Variants in RBM27 observed in about 807,000 individuals in gnomAD.
RBM27 encodes RNA-binding protein 27.
RBM27 carries 22 observed loss-of-function variants against 135.3 expected under a neutral mutation model. That is an observed-to-expected ratio of 0.16 (90% CI 0.12 to 0.23). The LOEUF is 0.23. Among genes scored for constraint, RBM27 ranks in the 10% least tolerant of loss-of-function variants. RBM27 has a pLI of 1.00. For synonymous variants in RBM27, 481 were observed against 442.4 expected, an observed-to-expected ratio of 1.09 and a Z score of -1.10; for missense variants, 1,009 against 1,281.0, an observed-to-expected ratio of 0.79 and a Z score of 3.24.
chr5:146,283,318 T>G (rs933167062), intron 19 of RBM27, among the ~76,000 whole-genome samples: 1 of 152,070 alleles, frequency 6.6e-6, no homozygotes, highest in Admixed American at 6.6e-5. Flanking sequence ...GGTGGGAGAA[T>G]TCCTCGAGCC....
At chr5:146,260,967 ACC>A (rs879858850) in intron 12 of RBM27, 69 bp downstream of exon 12, 1 of 1,450,168 alleles carries the variant, frequency 6.9e-7, no homozygotes, top group Non-Finnish European at 9.4e-7. Context: ...CTATCAGCTC[ACC>A]TTGTTTAAAT....
chr5:146,281,390 AAC>A (rs775977392), intron 19 of RBM27, among the ~76,000 whole-genome samples: 1 of 152,190 alleles, frequency 6.6e-6, no homozygotes, highest in Non-Finnish European at 1.5e-5. Context: ...TTTCAACAGA[AAC>A]ACATAAAACC....
Position 146,287,953 on chromosome 5 carries a change from A to G in RBM27, c.*1923A>G, listed in dbSNP as rs140126073. 4.6e-5 allele frequency: 7 copies of G among 152,242 alleles called. No individual in the cohort carries two copies. In the East Asian group the frequency reaches 1.2e-3, roughly 25 times the overall value. 9.4% of individuals were successfully genotyped at this position (152,242 alleles called of 1,614,324 possible). ...TATTTTGAAAGATTCATTGTGGTGAATATTTTGAGTCCTGACAGTTTAAAC... is the reference window on the plus strand; with the variant it reads ...TATTTTGAAAGATTCATTGTGGTGAGTATTTTGAGTCCTGACAGTTTAAAC... On this transcript the variant is annotated 3_prime_UTR_variant, in exon 21 of 21. Transcript: ENST00000265271.
rs527874521 is a variant in RBM27, at chr5:146,269,596, C to T, written c.2691+12C>T. ...AGACAAAAACGGAGGTATCTATTTG[C>T]ATTTTTTATTTAACATAGGGTTATT... On this transcript the variant is annotated intron_variant, in intron 17 of 20. Transcript: ENST00000265271. 2.0e-6 allele frequency: 3 copies of T among 1,510,460 alleles called. No homozygotes were observed. Among genetic ancestry groups the T allele is most frequent in the South Asian group, 2.8e-5 (2 of 72,502 alleles). 93.6% of individuals were successfully genotyped at this position (1,510,460 alleles called of 1,614,324 possible).
In RBM27 at chr5:146,278,687, T is replaced by C. The variant is rs145221917; in HGVS notation, c.2989-5935T>C. Among the ~76,000 whole-genome samples, 690 of 152,250 alleles carry C rather than the reference T, an allele frequency of 4.5e-3. 7 individuals are homozygous for C. Among genetic ancestry groups the C allele is most frequent in the African/African-American group, 0.016 (660 of 41,550 alleles). On this transcript the variant is annotated intron_variant, in intron 19 of 20. Transcript: ENST00000265271. ...TTGCACAGATATATAATACTACAGTTGAACCATCCTGTATTGATGGACATC... is the reference window on the plus strand; with the variant it reads ...TTGCACAGATATATAATACTACAGTCGAACCATCCTGTATTGATGGACATC...
Position 146,286,527 on chromosome 5 carries a change from T to G in RBM27, c.*497T>G, listed in dbSNP as rs1759587593. On this transcript the variant is annotated 3_prime_UTR_variant, in exon 21 of 21. Transcript: ENST00000265271. ...GAAGAAAAATATGTTTATTTTAATT[T>G]TAATTTTTTTTTTTTTTTACTTTGG... is the stretch of plus-strand genomic sequence containing the variant. 1 of 150,654 alleles carries G rather than the reference T, an allele frequency of 6.6e-6. No homozygotes were observed. Among genetic ancestry groups the G allele is most frequent in the Non-Finnish European group, 1.5e-5 (1 of 68,010 alleles). 9.3% of individuals were successfully genotyped at this position (150,654 alleles called of 1,614,324 possible).
At position 146,269,247 on chromosome 5, in the gene RBM27, A is replaced by G. The variant is rs1182471805; in HGVS notation, c.2492A>G (p.Gln831Arg). 2 of 1,609,768 alleles carry G rather than the reference A, an allele frequency of 1.2e-6. No individual in the cohort carries two copies. The highest frequency in any genetic ancestry group is 1.7e-5 in the Admixed American group (1 of 59,748). ...KLQQDMRKKR[Q>R]EVLEKQIECQ... ...CAACAAGATATGAGGAAAAAAAGACAGGAAGTGTTAGAAAAGCAAATAGAA... is the reference window on the plus strand; with the variant it reads ...CAACAAGATATGAGGAAAAAAAGACGGGAAGTGTTAGAAAAGCAAATAGAA... Residue 831 changes from glutamine to arginine, a missense_variant, in exon 16 of 21, where the codon CAG (glutamine) becomes CGG (arginine). This residue lies in a region of RBM27 where 355 missense variants were observed against 427.3 expected (regional missense o/e 0.83). Coordinates refer to ENST00000265271, the MANE Select transcript of RBM27 (RefSeq NM_018989.2).
intron 17 of RBM27, among the ~76,000 whole-genome samples, chr5:146,270,628 A>G (rs879470122): frequency 7.2e-5 from 11 of 152,266 alleles, no homozygotes; most frequent in African/African-American, 1.7e-4. Context: ...CATTTTTACT[A>G]TATAATTTAT....
intron 2 of RBM27, 128 bp from the exon 3 acceptor site, chr5:146,223,275 G>A (rs1042441161): frequency 8.0e-5 from 53 of 658,558 alleles, no homozygotes; most frequent in Admixed American, 2.4e-4. Context: ...CTTCCATAAG[G>A]TAGGACTCAT....
At chr5:146,208,962 TTGTC>T (rs1466857225) in intron 1 of RBM27, among the ~76,000 whole-genome samples, 2 of 152,234 alleles carry the variant, frequency 1.3e-5, no homozygotes, top group Non-Finnish European at 2.9e-5. Context: ...TCTGGACAAT[TTGTC>T]TGTCTTACTT....
chr5:146,239,472 C>CTTTTTTTTTTTTTTTTTTTTTTTTTT (rs916182587), intron 8 of RBM27, among the ~76,000 whole-genome samples: 3 of 55,360 alleles, frequency 5.4e-5, no homozygotes, highest in African/African-American at 1.3e-4. Context: ...TTTTCCTTTT[C>CTTTTTTTTTTTTTTTTTTTTTTTTTT]TTTTTTTTTT....
chr5:146,205,581 A>AT (rs1367709264), intron 1 of RBM27, among the ~76,000 whole-genome samples: 1 of 146,672 alleles, frequency 6.8e-6, no homozygotes, highest in Non-Finnish European at 1.5e-5. Context: ...GGTCTCTTGA[A>AT]TAGGGGTTTT....
intron 8 of RBM27, among the ~76,000 whole-genome samples, chr5:146,248,317 AC>A (rs780108059): frequency 1.4e-4 from 21 of 151,082 alleles, no homozygotes; most frequent in Admixed American, 7.3e-4. Flanking sequence ...ACTAAGGTGT[AC>A]CAGGCTCATC....
chr5:146,247,379 T>C (rs61156502), intron 8 of RBM27, among the ~76,000 whole-genome samples: 25,480 of 152,002 alleles, frequency 0.17, 4,134 homozygotes, highest in African/African-American at 0.43. Context: ...TTACTATTCC[T>C]TGTGAAATAT....
At position 146,209,074 on chromosome 5, in the gene RBM27, A is replaced by G. The variant is rs150479378; in HGVS notation, c.59+5250A>G. ...AGGATAAGTTGTCTAACCTTTTTCT[A>G]TTAAACAGAACTAAATTTTATTTGC... On this transcript the variant is annotated intron_variant, in intron 1 of 20. Coordinates refer to ENST00000265271, the MANE Select transcript of RBM27 (RefSeq NM_018989.2). 2.4e-3 allele frequency among the ~76,000 whole-genome samples: 359 copies of G among 152,254 alleles called. 1 individual carries two copies. Among genetic ancestry groups the G allele is most frequent in the African/African-American group, 7.9e-3 (328 of 41,564 alleles).
intron 1 of RBM27, among the ~76,000 whole-genome samples, chr5:146,205,752 G>C (rs1470639138): frequency 1.3e-5 from 2 of 152,188 alleles, no homozygotes; most frequent in Non-Finnish European, 2.9e-5. Context: ...TGGGCACGGT[G>C]GTTCACGCCT....
In RBM27 at chr5:146,271,600, G is replaced by A; in HGVS notation, c.2914G>A (p.Asp972Asn). ...GRGSLNHMVV[D>N]HRPKALTVGG... is the part of the protein sequence containing the mutation. ...GGGCTCACTAAATCACATGGTGGTG[G>A]ACCATCGTCCCAAAGCACTAACAGT... Residue 972 changes from aspartate (D) to asparagine (N), a missense_variant, in exon 19 of 21, where the codon GAC becomes AAC. Asp to Asn is a conservative substitution (Grantham distance 23). Transcript: ENST00000265271. The A allele has an allele frequency of 6.2e-7, 1 of 1,613,960 alleles. No homozygotes were observed. Among genetic ancestry groups the A allele is most frequent in the Non-Finnish European group, 8.5e-7 (1 of 1,179,864 alleles).
chr5:146,217,909 C>T, intron 1 of RBM27, among the ~76,000 whole-genome samples: 1 of 151,950 alleles, frequency 6.6e-6, no homozygotes, highest in Non-Finnish European at 1.5e-5. Flanking sequence ...AGACGTGCAC[C>T]ACCACACCTG....
At chr5:146,240,402 T>C (rs1463653891) in intron 8 of RBM27, among the ~76,000 whole-genome samples, 1 of 151,962 alleles carries the variant, frequency 6.6e-6, no homozygotes, top group Non-Finnish European at 1.5e-5. Context: ...TCTCAGCTTA[T>C]TGCAACCTCT....
Sources: allele counts gnomAD v4.1 joint callset (sites outside exome capture counted in the v4.1 genomes callset), GRCh38; gene constraint gnomAD v4.1.1; regional missense constraint gnomAD v4.1.1; transcripts MANE v1.5; gene names NCBI Gene and HGNC (gene_info 2026-07-23, HGNC 2026-07-21).